The following TMEM9 variants were observed in gnomAD, a reference collection of about 807,000 sequenced individuals.
TMEM9 encodes transmembrane protein 9.
A neutral mutation model predicts 22.8 loss-of-function variants in TMEM9; 13 were observed. The observed-to-expected ratio is 0.57, with a 90% confidence interval of 0.37 to 0.91. The LOEUF is 0.91. Ranked by LOEUF, TMEM9 falls within the 40% of genes least tolerant of loss-of-function variation. TMEM9 has a pLI of 0.01. For synonymous variants in TMEM9, 88 were observed against 93.0 expected (o/e 0.95, Z 0.31); for missense variants, 182 against 238.1 (o/e 0.76, Z 1.55).
chr1:201,154,071 G>A lies in TMEM9; in HGVS notation c.-148C>T. On this transcript the variant is annotated 5_prime_UTR_variant, in exon 1 of 5. Transcript: ENST00000367330. ...GAATGGGGTTGGGGGCTGGGCTCCA[G>A]GATTCCAAGGCCTGCTAAACCTGGT... The A allele has an allele frequency of 1.1e-6, 1 of 924,078 alleles. No homozygotes were observed. The highest frequency in any genetic ancestry group is 1.6e-6 in the Non-Finnish European group (1 of 633,338). The allele number at this position is 924,078 out of a possible 1,614,324, so 57.2% of individuals were successfully genotyped here.
Position 201,135,549 on chromosome 1 carries a change from G to C in TMEM9, c.*114C>G. The C allele has an allele frequency of 8.6e-7, 1 of 1,165,114 alleles. No homozygotes were observed. The allele number at this position is 1,165,114 out of a possible 1,614,324, so 72.2% of individuals were successfully genotyped here. On this transcript the variant is annotated 3_prime_UTR_variant, in exon 5 of 5. Transcript: ENST00000367330. ...AGGGAGAAGGAGGAAAAATGCCACA[G>C]GCTTTTAAAGGGAAGACTGGAACCG...
Position 201,135,407 on chromosome 1 carries a change from C to T in TMEM9, c.*256G>A, listed in dbSNP as rs1663896783. 2.8e-6 allele frequency: 1 copy of T among 356,130 alleles called. No individual in the cohort carries two copies. The allele number at this position is 356,130 out of a possible 1,614,324, so 22.1% of individuals were successfully genotyped here. On this transcript the variant is annotated 3_prime_UTR_variant, in exon 5 of 5. Coordinates refer to ENST00000367330, the MANE Select transcript of TMEM9 (RefSeq NM_001288565.2). The stretch of plus-strand genomic sequence containing the variant: ...TGAGGCCGCCTCGAATGTCTCCATT[C>T]CCTTCTGGCCTGCCTTCCCCCTCCC...
At chr1:201,145,442 C>T (rs897921579) in intron 3 of TMEM9, 13 of 152,482 alleles carry the variant, frequency 8.5e-5, no homozygotes, top group African/African-American at 2.6e-4. Flanking sequence ...GAAGGACAGA[C>T]AGCTGCTTTT....
intron 1 of TMEM9, among the ~76,000 whole-genome samples, chr1:201,169,893 T>C (rs1666171103): frequency 6.6e-6 from 1 of 152,208 alleles, no homozygotes; most frequent in Non-Finnish European, 1.5e-5. Context: ...CTAAGGATTC[T>C]TTAGTGCTGA....
At chr1:201,138,635 A>G (rs1463057021) in intron 4 of TMEM9, among the ~76,000 whole-genome samples, 1 of 152,146 alleles carries the variant, frequency 6.6e-6, no homozygotes, top group Non-Finnish European at 1.5e-5. Context: ...CCCCAGGGGG[A>G]CCAGACCAGT....
intron 4 of TMEM9, among the ~76,000 whole-genome samples, chr1:201,138,373 T>C (rs1664194574): frequency 6.6e-6 from 1 of 152,204 alleles, no homozygotes; most frequent in Admixed American, 6.5e-5. Flanking sequence ...TTTCCATCGC[T>C]AATAGTCTGA....
intron 1 of TMEM9, among the ~76,000 whole-genome samples, chr1:201,169,493 A>G (rs1489152190): frequency 6.6e-6 from 1 of 152,204 alleles, no homozygotes; most frequent in African/African-American, 2.4e-5. Flanking sequence ...ACCAGAATGC[A>G]TTTAGAGGAC....
intron 2 of TMEM9, among the ~76,000 whole-genome samples, chr1:201,149,722 C>T (rs892608564): frequency 6.6e-6 from 1 of 152,190 alleles, no homozygotes; most frequent in Middle Eastern, 3.2e-3. Flanking sequence ...CATGGACCAA[C>T]GTGACAGCAA....
intron 1 of TMEM9, among the ~76,000 whole-genome samples, chr1:201,166,611 C>T (rs1231865817): frequency 6.6e-6 from 1 of 152,058 alleles, no homozygotes; most frequent in African/African-American, 2.4e-5. Context: ...GACCCGCCTG[C>T]GTTAGTCTCC....
chr1:201,143,583 T>G (rs1299375683), intron 4 of TMEM9, among the ~76,000 whole-genome samples: 1 of 152,232 alleles, frequency 6.6e-6, no homozygotes, highest in Non-Finnish European at 1.5e-5. Context: ...TACAGCAGGA[T>G]GACATGGCTC....
Position 201,135,576 on chromosome 1 carries a change from G to A in TMEM9, c.*87C>T, listed in dbSNP as rs1663914262. Reference sequence around the variant, plus strand: ...CTTTTAAAGGGAAGACTGGAACCGAGGGAAGGGAGAAGTAGCCCCCTGCTT... The same window carrying A: ...CTTTTAAAGGGAAGACTGGAACCGAAGGAAGGGAGAAGTAGCCCCCTGCTT... On this transcript the variant is annotated 3_prime_UTR_variant, in exon 5 of 5. Transcript: ENST00000367330. The A allele has an allele frequency of 1.5e-6, 2 of 1,356,018 alleles. No individual in the cohort carries two copies. Among genetic ancestry groups the A allele is most frequent in the African/African-American group, 3.0e-5 (2 of 66,984 alleles). The allele number at this position is 1,356,018 out of a possible 1,614,324, so 84.0% of individuals were successfully genotyped here. A position where few individuals can be genotyped will look rare whatever the true frequency, so the allele number is the denominator to read the frequency against.
At chr1:201,140,296 G>A (rs941649744) in intron 4 of TMEM9, among the ~76,000 whole-genome samples, 27 of 152,236 alleles carry the variant, frequency 1.8e-4, no homozygotes, top group South Asian at 1.0e-3. Context: ...CAGCCTCAGA[G>A]AAACCATGTG....
intron 4 of TMEM9, among the ~76,000 whole-genome samples, chr1:201,142,492 C>T (rs75352232): frequency 0.033 from 5,003 of 152,320 alleles, 161 homozygotes; most frequent in East Asian, 0.12. Context: ...CTCTCTGTCC[C>T]TGGATGAAGC....
At chr1:201,166,491 T>G (rs1053925307) in intron 1 of TMEM9, among the ~76,000 whole-genome samples, 1 of 151,978 alleles carries the variant, frequency 6.6e-6, no homozygotes, top group Non-Finnish European at 1.5e-5. Context: ...GCCTCCCGAG[T>G]AGCTGAAACT....
chr1:201,136,131 T>C (rs1663962720), intron 4 of TMEM9, among the ~76,000 whole-genome samples: 1 of 152,176 alleles, frequency 6.6e-6, no homozygotes, highest in Non-Finnish European at 1.5e-5. Flanking sequence ...GCCACACAGC[T>C]AGCTCAAGGG....
chr1:201,156,243 T>C (rs1310201907), upstream of TMEM9, among the ~76,000 whole-genome samples: 2 of 152,152 alleles, frequency 1.3e-5, no homozygotes, highest in Non-Finnish European at 2.9e-5. Flanking sequence ...TATCTTTGAC[T>C]CCTCTCTCAT....
intron 1 of TMEM9, among the ~76,000 whole-genome samples, chr1:201,162,977 T>C (rs1665985658): frequency 6.6e-6 from 1 of 152,122 alleles, no homozygotes; most frequent in African/African-American, 2.4e-5. Context: ...TCACAGCCAT[T>C]AGGGAAATGT....
At chr1:201,151,980 T>A (rs1050748861) in intron 1 of TMEM9, 128 bp from the exon 2 acceptor site, 2 of 665,758 alleles carry the variant, frequency 3.0e-6, no homozygotes, top group Non-Finnish European at 5.3e-6. Context: ...GCTCTTGAGC[T>A]TTCTCCATCC....
At chr1:201,167,147 C>G (rs1666098413) in intron 1 of TMEM9, among the ~76,000 whole-genome samples, 1 of 152,126 alleles carries the variant, frequency 6.6e-6, no homozygotes, top group Admixed American at 6.5e-5. Flanking sequence ...CTATAACCGC[C>G]TGATGGGTTT....
Sources: allele counts gnomAD v4.1 joint callset (sites outside exome capture counted in the v4.1 genomes callset), GRCh38; gene constraint gnomAD v4.1.1; transcripts MANE v1.5; gene names NCBI Gene and HGNC (gene_info 2026-07-23, HGNC 2026-07-21).